THRAP3: variants seen among roughly 807,000 people sequenced by gnomAD.
THRAP3 encodes the protein thyroid hormone receptor associated protein 3, also known as thyroid hormone receptor-associated protein 3.
Under a neutral mutation model 101.0 loss-of-function variants are expected in THRAP3, and 16 were observed. That is an observed-to-expected ratio of 0.16 (90% confidence interval 0.11 to 0.24). The LOEUF is 0.24. Among genes scored for constraint, THRAP3 ranks in the 10% least tolerant of loss-of-function variants. THRAP3 has a pLI of 1.00. For synonymous variants in THRAP3, 407 were observed against 422.6 expected (o/e 0.96, Z 0.45); for missense variants, 989 against 1,202.7 (o/e 0.82, Z 2.63).
At chr1:36,281,889 G>C (rs1645736222) in intron 2 of THRAP3, among the ~76,000 whole-genome samples, 1 of 152,004 alleles carries the variant, frequency 6.6e-6, no homozygotes, top group African/African-American at 2.4e-5. Flanking sequence ...TTACCAACAA[G>C]GAGAAACCCT....
intron 1 of THRAP3, among the ~76,000 whole-genome samples, chr1:36,232,042 C>T (rs923788814): frequency 6.6e-6 from 1 of 151,824 alleles, no homozygotes; most frequent in African/African-American, 2.4e-5. Context: ...CATGGCGAAA[C>T]CCATCTCTAC....
intron 2 of THRAP3, among the ~76,000 whole-genome samples, chr1:36,270,402 C>CA (rs1458861865): frequency 7.2e-5 from 11 of 151,930 alleles, no homozygotes; most frequent in African/African-American, 2.4e-4. Context: ...CACACACACA[C>CA]ACGCACACAG....
intron 1 of THRAP3, among the ~76,000 whole-genome samples, chr1:36,235,023 A>G (rs566900788): frequency 1.0e-3 from 153 of 152,054 alleles, no homozygotes; most frequent in Non-Finnish European, 1.9e-3. Context: ...CATGTTGGCC[A>G]GGCAGGTTTC....
chr1:36,234,402 T>C (rs1645062360), intron 1 of THRAP3, among the ~76,000 whole-genome samples: 1 of 152,184 alleles, frequency 6.6e-6, no homozygotes, highest in Non-Finnish European at 1.5e-5. Flanking sequence ...TTGAAAAAAT[T>C]CAGACATTAC....
chr1:36,303,871 C>T lies in THRAP3; in HGVS notation c.2722C>T (p.Arg908Trp), dbSNP rs201026538. The part of the protein sequence containing the change: ...GRGRGAFPRG[R>W]GRFMFRKSST... ...GGGCCGAGGAGCCTTTCCTCGGGGTCGGGGCCGGTTCATGTTCCGGAAATC... is the reference window on the plus strand; with the variant it reads ...GGGCCGAGGAGCCTTTCCTCGGGGTTGGGGCCGGTTCATGTTCCGGAAATC... Residue 908 changes from arginine (R) to tryptophan (W), a missense_variant, in exon 12 of 12, where the codon CGG becomes TGG. By Grantham distance (101) the Arg-to-Trp change is moderately radical (BLOSUM62 -3). Coordinates refer to ENST00000354618, the MANE Select transcript of THRAP3 (RefSeq NM_005119.4). 1.5e-5 allele frequency: 25 copies of T among 1,613,866 alleles called. No homozygotes were observed. The Admixed American group carries it at 1.8e-4, about 12-fold the overall frequency.
chr1:36,211,650 A>C, the THRAP3 span, among the ~76,000 whole-genome samples: 1 of 152,194 alleles, frequency 6.6e-6, no homozygotes, highest in African/African-American at 2.4e-5. Flanking sequence ...CTGGTGAGGG[A>C]GTAACCATTT....
chr1:36,281,798 C>T (rs960865771), intron 2 of THRAP3, among the ~76,000 whole-genome samples: 27 of 152,020 alleles, frequency 1.8e-4, no homozygotes, highest in African/African-American at 5.8e-4. Context: ...AGGCCAGGCA[C>T]GGTGGCTCAC....
At chr1:36,255,614 C>CA (rs564844053) in intron 1 of THRAP3, among the ~76,000 whole-genome samples, 2,574 of 145,724 alleles carry the variant, frequency 0.018, 26 homozygotes, top group Non-Finnish European at 0.025. Flanking sequence ...ACTAAAAATA[C>CA]AAAAAAAAAA....
chr1:36,291,674 C>A, intron 6 of THRAP3, 128 bp downstream of exon 6: 1 of 1,003,186 alleles, frequency 1.0e-6, no homozygotes, highest in Non-Finnish European at 1.4e-6. Flanking sequence ...TAGGGGCTGG[C>A]TTGAAGGAAA....
At position 36,304,313 on chromosome 1, in the gene THRAP3, G is replaced by C. The variant is rs936139738; in HGVS notation, c.*296G>C. ...GGGTGGGGGCAGGGGTAGGGCGGGA[G>C]AGCGATGCTTGGATTTTTGTTTCCT... On this transcript the variant is annotated 3_prime_UTR_variant, in exon 12 of 12. Coordinates refer to ENST00000354618, the MANE Select transcript of THRAP3 (RefSeq NM_005119.4). 7.9e-5 allele frequency: 23 copies of C among 289,960 alleles called. No individual in the cohort carries two copies. Among genetic ancestry groups the C allele is most frequent in the Non-Finnish European group, 1.3e-4 (21 of 155,612 alleles). The allele number at this position is 289,960 out of a possible 1,614,324, so 18.0% of individuals were successfully genotyped here.
chr1:36,291,192 A>G (rs1027930445), intron 5 of THRAP3, among the ~76,000 whole-genome samples, 182 bp from the exon 6 acceptor site: 2 of 152,212 alleles, frequency 1.3e-5, no homozygotes, highest in Non-Finnish European at 1.5e-5. Context: ...TAAGAAAGAG[A>G]AGAGAGAGAT....
rs1200213528 is a variant in THRAP3, at chr1:36,254,777, A to AT, written c.-134-4598dup. Among the ~76,000 whole-genome samples, 5 of 152,300 alleles carry AT rather than the reference A, an allele frequency of 3.3e-5. No individual in the cohort carries two copies. The East Asian group carries it at 7.7e-4, about 23-fold the overall frequency. On this transcript the variant is annotated intron_variant, in intron 1 of 11. Coordinates refer to ENST00000354618, the MANE Select transcript of THRAP3 (RefSeq NM_005119.4). ...GTATAATTTTAACCTCTAATGAAGT[A>AT]TTTTTTTGATAAAAAAAAATTTTTT...
At chr1:36,212,111 C>T in the THRAP3 span, among the ~76,000 whole-genome samples, 2 of 152,234 alleles carry the variant, frequency 1.3e-5, no homozygotes, top group Non-Finnish European at 2.9e-5. Context: ...TCAACTCATG[C>T]TCTGCTCTCC....
chr1:36,249,521 G>A (rs148072184), intron 1 of THRAP3, among the ~76,000 whole-genome samples: 348 of 152,264 alleles, frequency 2.3e-3, no homozygotes, highest in Non-Finnish European at 3.6e-3. Flanking sequence ...GGACCTTCAT[G>A]TTTAGTGGGA....
chr1:36,292,264 C>CTTTTTTTTTTTTTTT (rs774003081), intron 6 of THRAP3, among the ~76,000 whole-genome samples: 2 of 20,562 alleles, frequency 9.7e-5, no homozygotes, highest in African/African-American at 1.4e-4. Context: ...TTCTTTGTTT[C>CTTTTTTTTTTTTTTT]TTTTTTTTTT....
Position 36,303,936 on chromosome 1 carries a change from G to A in THRAP3, c.2787G>A (p.Gly929=). Residue 929 remains glycine, a synonymous_variant, in exon 12 of 12, where the codon GGG becomes GGA. Coordinates refer to ENST00000354618, the MANE Select transcript of THRAP3 (RefSeq NM_005119.4). ...SPKWAHDKFS[G]EEGEIEDDES... is the part of the protein sequence containing the mutation. Reference sequence around the variant, plus strand: ...AGTGGGCCCATGACAAGTTCAGTGGGGAGGAAGGGGAGATTGAAGACGACG... The same window carrying A: ...AGTGGGCCCATGACAAGTTCAGTGGAGAGGAAGGGGAGATTGAAGACGACG... The A allele has an allele frequency of 1.2e-6, 2 of 1,612,916 alleles. No individual in the cohort carries two copies. Among genetic ancestry groups the A allele is most frequent in the East Asian group, 2.2e-5 (1 of 44,870 alleles).
At chr1:36,276,523 C>CAA (rs35609256) in intron 2 of THRAP3, among the ~76,000 whole-genome samples, 11 of 112,770 alleles carry the variant, frequency 9.8e-5, no homozygotes, top group Non-Finnish European at 1.6e-4. Context: ...GACTCTGTCT[C>CAA]AAAAAAAAAA....
At chr1:36,255,704 C>T (rs1570273753) in intron 1 of THRAP3, among the ~76,000 whole-genome samples, 3 of 149,180 alleles carry the variant, frequency 2.0e-5, no homozygotes, top group African/African-American at 7.4e-5. Flanking sequence ...TCCCAGGAGA[C>T]GGAGGTTGCA....
intron 9 of THRAP3, among the ~76,000 whole-genome samples, chr1:36,298,584 C>G (rs1486513803): frequency 6.6e-6 from 1 of 151,486 alleles, no homozygotes. Context: ...TCCTTGAACT[C>G]CTGGGTTCAA....
Sources: gnomAD v4.1 joint callset for allele counts (sites outside exome capture counted in the v4.1 genomes callset) on GRCh38, gnomAD v4.1.1 for gene constraint, MANE v1.5 for transcripts, NCBI Gene and HGNC (gene_info 2026-07-23, HGNC 2026-07-21) for gene names.